The following COL27A1 variants were observed in gnomAD, a reference collection of about 807,000 sequenced individuals.
The protein encoded by COL27A1 is collagen alpha-1(XXVII) chain.
COL27A1 carries 106 observed loss-of-function variants against 251.3 expected under a neutral mutation model. The observed-to-expected ratio is 0.42, with a 90% CI of 0.36 to 0.50. COL27A1 has a LOEUF of 0.50. Among genes scored for constraint, COL27A1 ranks in the 20% least tolerant of loss-of-function variants. COL27A1 has a pLI of 0.00. For missense variants in COL27A1, 2,325 were observed against 2,522.8 expected (o/e 0.92, Z 1.68); for synonymous variants, 1,000 against 986.3 (o/e 1.01, Z -0.26).
intron 7 of COL27A1, among the ~76,000 whole-genome samples, chr9:114,204,455 A>G (rs1042379357): frequency 1.3e-5 from 2 of 152,242 alleles, no homozygotes; most frequent in African/African-American, 2.4e-5. Flanking sequence ...TGGCCTGGAC[A>G]TGCCTTTTGG....
rs1832329444 is a variant in COL27A1 at position 114,235,609 on chromosome 9, G to A, written c.2576G>A (p.Gly859Glu). The part of the protein sequence containing the change: ...PGLKGDKGEQ[G>E]VPGVSGDPGF... ...CTGGTGTGTACTTAGGGTGAACAAGGGGTTCCAGGTGTGTCAGGAGATCCC... is the reference window on the plus strand; with the variant it reads ...CTGGTGTGTACTTAGGGTGAACAAGAGGTTCCAGGTGTGTCAGGAGATCCC... Residue 859 changes from glycine to glutamate, a missense_variant, in exon 17 of 61, where the codon GGG (glycine) becomes GAG (glutamate). Physicochemically the swap from Gly to Glu is moderately conservative, Grantham distance 98. Around this residue, in one of 4 missense-constraint regions of COL27A1, gnomAD observed 662 missense variants for 795.3 expected, o/e 0.83. Transcript: ENST00000356083. 6.2e-7 allele frequency: 1 copy of A among 1,613,658 alleles called. No individual in the cohort carries two copies.
intron 45 of COL27A1, 57 bp downstream of exon 45, chr9:114,289,352 C>T: frequency 2.0e-6 from 3 of 1,486,140 alleles, no homozygotes; most frequent in Non-Finnish European, 2.7e-6. Flanking sequence ...GGAAGCCTGA[C>T]CCACAGTCAC....
At chr9:114,154,465 G>A (rs1848015352), upstream of COL27A1, among the ~76,000 whole-genome samples, 1 of 152,080 alleles carries the variant, frequency 6.6e-6, no homozygotes, top group South Asian at 2.1e-4. This position sits in a 1 kb window ranked among gnomAD's most constrained non-coding sequence, Gnocchi z 5.8. Context: ...GTGGGTACAC[G>A]CGTGAGGAGT....
At chr9:114,163,529 C>T (rs774170246) in intron 2 of COL27A1, among the ~76,000 whole-genome samples, 6 of 152,362 alleles carry the variant, frequency 3.9e-5, no homozygotes, top group African/African-American at 1.2e-4. Context: ...GCCGGGGCAG[C>T]GATGGGCTGG....
rs989168584 is a variant in COL27A1, at chr9:114,240,379, C to A, written c.2782-55C>A. 12 of 1,596,854 alleles carry A rather than the reference C, an allele frequency of 7.5e-6. No homozygotes were observed. The Admixed American group carries it at 1.2e-4, about 16-fold the overall frequency. ...AAGCAGGGGTTGCCTTGCCAGCCTG[C>A]GATGGAGATGGAGGTACCGCCTCTG... On this transcript the variant is annotated intron_variant, in intron 20 of 60. Coordinates refer to ENST00000356083, the MANE Select transcript of COL27A1 (RefSeq NM_032888.4).
chr9:114,275,216 A>G (rs1211865997), intron 36 of COL27A1, among the ~76,000 whole-genome samples: 1 of 151,922 alleles, frequency 6.6e-6, no homozygotes, highest in East Asian at 1.9e-4. Flanking sequence ...GTGACCTATA[A>G]TTGCGCCTCT....
intron 12 of COL27A1, among the ~76,000 whole-genome samples, chr9:114,211,683 T>G (rs1475789753): frequency 2.0e-5 from 3 of 152,210 alleles, no homozygotes; most frequent in African/African-American, 7.2e-5. Context: ...GGATTGGAAC[T>G]CAGTTGGTTT....
intron 36 of COL27A1, chr9:114,273,023 G>T (rs1835247094): frequency 1.3e-5 from 2 of 152,202 alleles, no homozygotes; most frequent in Admixed American, 1.3e-4. Context: ...AGATGTCTGA[G>T]GATTTGGGGC....
rs1554787366 is a variant in COL27A1 at position 114,167,925 on chromosome 9, CT to C, written c.371del (p.Leu124ArgfsTer48). ...LFAVRSQKRK[L>X]QLGLQFLPGK... ...CGCTGTCCGCAGCCAGAAACGCAAG[CT>C]GCAGCTGGGCCTGCAGTTCCTCCCC... On this transcript the variant is annotated frameshift_variant, in exon 3 of 61. Coordinates refer to ENST00000356083, the MANE Select transcript of COL27A1 (RefSeq NM_032888.4). LOFTEE classifies it high-confidence loss of function. 2 of 1,611,396 alleles carry C rather than the reference CT, an allele frequency of 1.2e-6. No homozygotes were observed. Among genetic ancestry groups the C allele is most frequent in the Non-Finnish European group, 1.7e-6 (2 of 1,179,876 alleles).
chr9:114,240,295 C>G, intron 20 of COL27A1, 22 bp downstream of exon 20: 1 of 1,587,908 alleles, frequency 6.3e-7, no homozygotes, highest in Non-Finnish European at 8.6e-7. Context: ...CCCAGGGCAG[C>G]TCCAGTTGGA....
rs189422916 is a variant in COL27A1 at position 114,308,695 on chromosome 9, G to A, written c.5218-565G>A. On this transcript the variant is annotated intron_variant, in intron 59 of 60. Coordinates refer to ENST00000356083, the MANE Select transcript of COL27A1 (RefSeq NM_032888.4). ...TGAGGCTGGAGTTGGCGCCTGGGTTGGTGGCATGAATGCCCAACTGGGTCA... is the reference window on the plus strand; with the variant it reads ...TGAGGCTGGAGTTGGCGCCTGGGTTAGTGGCATGAATGCCCAACTGGGTCA... Among the ~76,000 whole-genome samples, 387 of 152,332 alleles carry A rather than the reference G, an allele frequency of 2.5e-3. 6 individuals are homozygous for A. Among genetic ancestry groups the A allele is most frequent in the African/African-American group, 8.8e-3 (364 of 41,576 alleles).
At position 114,168,367 on chromosome 9, in the gene COL27A1, A is replaced by G. The variant is rs1442532713; in HGVS notation, c.812A>G (p.Asn271Ser). Residue 271 changes from asparagine to serine, a missense_variant, in exon 3 of 61, where the codon AAC becomes AGC. By Grantham distance (46) the Asn-to-Ser change is conservative (BLOSUM62 1). This residue lies in a region of COL27A1 where 1,183 missense variants were observed against 1,144.1 expected (regional missense o/e 1.03). Coordinates refer to ENST00000356083, the MANE Select transcript of COL27A1 (RefSeq NM_032888.4). ...GACCTCGCCCTGCTAGGCCTGGAGA[A>G]CTTGACCACTGCCACACCAGCCCTG... ...QSDLALLGLENLTTATPALGS... is the reference protein window; with the variant it reads ...QSDLALLGLESLTTATPALGS... 7.4e-6 allele frequency: 12 copies of G among 1,613,274 alleles called. No individual in the cohort carries two copies. The highest frequency in any genetic ancestry group is 1.3e-5 in the African/African-American group (1 of 74,846).
chr9:114,235,523 G>A (rs548723543), intron 16 of COL27A1, 76 bp from the exon 17 acceptor site: 72 of 1,121,064 alleles, frequency 6.4e-5, no homozygotes, highest in Middle Eastern at 2.0e-4. Flanking sequence ...GCTGTACCTC[G>A]CCAGGGGGTC....
intron 56 of COL27A1, 27 bp from the exon 57 acceptor site, chr9:114,304,581 T>C (rs764852451): frequency 1.5e-5 from 24 of 1,613,270 alleles, no homozygotes; most frequent in Non-Finnish European, 2.0e-5. Flanking sequence ...GGGGCCACGA[T>C]ACATACCCTG....
chr9:114,207,835 G>A (rs10982100), intron 10 of COL27A1, among the ~76,000 whole-genome samples: 6,179 of 152,252 alleles, frequency 0.041, 149 homozygotes, highest in Middle Eastern at 0.065. Flanking sequence ...TGTAAATCTG[G>A]GAGATAAGCA....
At chr9:114,174,769 A>T (rs367553564) in intron 3 of COL27A1, among the ~76,000 whole-genome samples, 35 of 152,200 alleles carry the variant, frequency 2.3e-4, no homozygotes, top group African/African-American at 6.5e-4. Context: ...AGCTGTACTG[A>T]TGCCAAGAAG....
intron 5 of COL27A1, among the ~76,000 whole-genome samples, chr9:114,183,707 C>A (rs116998355): frequency 1.0e-3 from 154 of 152,232 alleles, no homozygotes; most frequent in Middle Eastern, 3.4e-3. Flanking sequence ...CACGCAGGAA[C>A]ATGTAGCCCG....
At chr9:114,194,870 A>G (rs999163306) in intron 6 of COL27A1, among the ~76,000 whole-genome samples, 1 of 152,216 alleles carries the variant, frequency 6.6e-6, no homozygotes, top group Non-Finnish European at 1.5e-5. Flanking sequence ...GGTTAACTCC[A>G]GCAGACGGGT....
At chr9:114,305,396 G>A (rs1235154677) in intron 57 of COL27A1, among the ~76,000 whole-genome samples, 1 of 152,176 alleles carries the variant, frequency 6.6e-6, no homozygotes, top group Non-Finnish European at 1.5e-5. Flanking sequence ...CAGTGCGGCT[G>A]GAGAAGGGAA....
Sources: gnomAD v4.1 joint callset for allele counts (sites outside exome capture counted in the v4.1 genomes callset) on GRCh38, gnomAD v4.1.1 for gene constraint, gnomAD v4.1.1 regional missense constraint, Gnocchi (gnomAD v3.1) non-coding constraint, MANE v1.5 for transcripts, NCBI Gene and HGNC (gene_info 2026-07-23, HGNC 2026-07-21) for gene names.